The following CLEC16A variants were observed in gnomAD, a reference collection of about 807,000 sequenced individuals.
The protein encoded by CLEC16A is protein CLEC16A.
CLEC16A carries 51 observed loss-of-function variants against 109.5 expected under a neutral mutation model. The ratio of observed to expected loss-of-function variants is 0.47; its 90% confidence interval spans 0.37 to 0.59. CLEC16A has a LOEUF of 0.59. Among genes scored for constraint, CLEC16A ranks in the 20% least tolerant of loss-of-function variants. CLEC16A has a pLI of 0.00. For synonymous variants in CLEC16A, 673 were observed against 564.2 expected (o/e 1.19, Z -2.73); for missense variants, 1,339 against 1,394.0 (o/e 0.96, Z 0.63).
At chr16:11,095,911 A>T (rs192965116) in intron 19 of CLEC16A, among the ~76,000 whole-genome samples, 1 of 152,090 alleles carries the variant, frequency 6.6e-6, no homozygotes, top group African/African-American at 2.4e-5. Flanking sequence ...AATGGACTCA[A>T]ACTCCTGGGT....
chr16:11,106,670 GA>G (rs1168746847), intron 19 of CLEC16A, among the ~76,000 whole-genome samples: 1 of 150,838 alleles, frequency 6.6e-6, no homozygotes, highest in East Asian at 1.9e-4. Context: ...TTTTTTTTAA[GA>G]TACTTTTCCT....
rs1186149126 is a variant in CLEC16A at position 10,944,731 on chromosome 16, C to G, written c.14C>G (p.Ser5Trp). 1 of 1,608,172 alleles carries G rather than the reference C, an allele frequency of 6.2e-7. No individual in the cohort carries two copies. The highest frequency in any genetic ancestry group is 8.5e-7 in the Non-Finnish European group (1 of 1,178,210). ...GGGGCCGCCGACATGTTTGGCCGCT[C>G]GCGGAGCTGGGTGGGCGGGGGCCAT... MFGR[S>W]RSWVGGGHGK... Residue 5 changes from serine to tryptophan, a missense_variant, in exon 1 of 24, where the codon TCG (serine) becomes TGG (tryptophan). Coordinates refer to ENST00000409790, the MANE Select transcript of CLEC16A (RefSeq NM_015226.3).
At chr16:11,126,201 G>C (rs1171351223) in intron 22 of CLEC16A, 55 bp downstream of exon 22, 2 of 1,608,528 alleles carry the variant, frequency 1.2e-6, no homozygotes, top group Non-Finnish European at 1.7e-6. Context: ...GGGCGTTCAA[G>C]GTCTTTCTCT....
intron 1 of CLEC16A, among the ~76,000 whole-genome samples, chr16:10,948,039 G>A (rs868583277): frequency 9.2e-5 from 14 of 152,020 alleles, no homozygotes; most frequent in Middle Eastern, 3.4e-3. Context: ...GACTACAGGC[G>A]CCCGCCACCA....
intron 22 of CLEC16A, among the ~76,000 whole-genome samples, chr16:11,132,543 C>T (rs956502350): frequency 4.4e-4 from 67 of 152,190 alleles, no homozygotes; most frequent in African/African-American, 8.2e-4. Flanking sequence ...TTTGTTTGAA[C>T]GCCTGTTTTG....
chr16:11,118,811 G>A (rs1190052260), intron 19 of CLEC16A, among the ~76,000 whole-genome samples: 1 of 152,114 alleles, frequency 6.6e-6, no homozygotes, highest in African/African-American at 2.4e-5. Flanking sequence ...GTTGGTTTTT[G>A]TATACAGTGA....
intron 19 of CLEC16A, among the ~76,000 whole-genome samples, chr16:11,071,421 G>T (rs1328453567): frequency 1.3e-5 from 2 of 152,142 alleles, no homozygotes; most frequent in Non-Finnish European, 2.9e-5. Flanking sequence ...AAAAGAGGGG[G>T]ACGAAGGTAG....
chr16:11,009,844 G>A (rs2045290092), intron 11 of CLEC16A, among the ~76,000 whole-genome samples: 1 of 152,150 alleles, frequency 6.6e-6, no homozygotes, highest in Non-Finnish European at 1.5e-5. Context: ...GTTTTAGATG[G>A]TACAGGGAGA....
intron 11 of CLEC16A, among the ~76,000 whole-genome samples, chr16:11,011,261 G>A (rs1303647278): frequency 1.3e-5 from 2 of 152,162 alleles, no homozygotes; most frequent in African/African-American, 2.4e-5. Flanking sequence ...GATTTTCCAC[G>A]TTCAACATTC....
intron 22 of CLEC16A, among the ~76,000 whole-genome samples, chr16:11,140,104 T>G (rs1368493781): frequency 2.6e-5 from 4 of 152,230 alleles, no homozygotes; most frequent in Non-Finnish European, 5.9e-5. Flanking sequence ...TTATCTCTTG[T>G]CCTTTGTTCT....
At chr16:11,162,916 C>T (rs985694660) in intron 22 of CLEC16A, among the ~76,000 whole-genome samples, 9 of 152,150 alleles carry the variant, frequency 5.9e-5, no homozygotes. Context: ...GTGTGAAAGT[C>T]CATGCAGCCT....
At chr16:11,086,075 T>A (rs532739507) in intron 19 of CLEC16A, among the ~76,000 whole-genome samples, 3 of 152,350 alleles carry the variant, frequency 2.0e-5, no homozygotes, top group African/African-American at 7.2e-5. Context: ...GCAGAGCCAC[T>A]GTTTGTTGAA....
intron 19 of CLEC16A, among the ~76,000 whole-genome samples, chr16:11,114,935 T>C (rs1204566438): frequency 6.6e-6 from 1 of 152,216 alleles, no homozygotes; most frequent in Non-Finnish European, 1.5e-5. Context: ...TGTGGCCGCA[T>C]TTTAGTTTTC....
intron 19 of CLEC16A, among the ~76,000 whole-genome samples, chr16:11,112,694 C>T (rs1329078070): frequency 6.6e-6 from 1 of 152,070 alleles, no homozygotes; most frequent in African/African-American, 2.4e-5. Context: ...CACACACATA[C>T]ATATGACATG....
chr16:10,948,493 C>G (rs2041547895), intron 1 of CLEC16A, among the ~76,000 whole-genome samples: 1 of 152,196 alleles, frequency 6.6e-6, no homozygotes, highest in Non-Finnish European at 1.5e-5. Context: ...GTGACATTGA[C>G]TGACAAATGT....
intron 10 of CLEC16A, among the ~76,000 whole-genome samples, chr16:10,997,501 T>A (rs900798147): frequency 6.6e-6 from 1 of 152,216 alleles, no homozygotes; most frequent in Admixed American, 6.5e-5. Flanking sequence ...CAAAGTTTTT[T>A]AAATTGTGAT....
intron 22 of CLEC16A, among the ~76,000 whole-genome samples, chr16:11,129,205 A>C (rs2053030326): frequency 6.6e-6 from 1 of 152,244 alleles, no homozygotes; most frequent in Admixed American, 6.5e-5. Flanking sequence ...AAGAGCTTTC[A>C]TTTAGATAGA....
intron 13 of CLEC16A, among the ~76,000 whole-genome samples, chr16:11,036,294 C>G (rs892630036): frequency 5.3e-5 from 8 of 152,050 alleles, no homozygotes; most frequent in African/African-American, 1.7e-4. Flanking sequence ...CTCATCACCC[C>G]CTCCCCGGCT....
chr16:11,142,501 TC>T (rs1484798042), intron 22 of CLEC16A, among the ~76,000 whole-genome samples: 2 of 152,252 alleles, frequency 1.3e-5, no homozygotes, highest in Non-Finnish European at 2.9e-5. Context: ...CAGCTTTTTC[TC>T]CTGCTTTTCA....
Sources: allele counts gnomAD v4.1 joint callset (sites outside exome capture counted in the v4.1 genomes callset), GRCh38; gene constraint gnomAD v4.1.1; transcripts MANE v1.5; gene names NCBI Gene and HGNC (gene_info 2026-07-23, HGNC 2026-07-21).